Variants in TAOK3 observed in about 807,000 individuals in gnomAD.
TAOK3 encodes the protein serine/threonine-protein kinase TAO3.
A neutral mutation model predicts 120.4 loss-of-function variants in TAOK3; 40 were observed. That is an observed-to-expected ratio of 0.33 (90% CI 0.26 to 0.43). The LOEUF (loss-of-function observed/expected upper bound fraction) is 0.43, where lower values mean the gene tolerates loss of function less well. TAOK3 is among the 20% of genes least tolerant of loss of function. The probability of loss-of-function intolerance (pLI) is 1.00; values close to 1 mark genes in which losing one functional copy is unlikely to be tolerated. For missense variants in TAOK3, 821 were observed against 1,112.1 expected (o/e 0.74, Z 3.72); for synonymous variants, 355 against 387.5 (o/e 0.92, Z 0.99).
chr12:118,272,305 AAAAGAAAGAAAG>A lies in TAOK3; in HGVS notation c.-193-5558_-193-5547del, dbSNP rs201811768. Among the ~76,000 whole-genome samples, 6 of 148,744 alleles carry A rather than the reference AAAAGAAAGAAAG, an allele frequency of 4.0e-5. No homozygotes were observed. The South Asian group carries it at 1.0e-3, about 26-fold the overall frequency. ...AGACTCCATCTCAAAAAAAAAAAAA[AAAAGAAAGAAAG>A]AAAGAAAGAAAGAACACTTGATAGA... On this transcript the variant is annotated intron_variant, in intron 1 of 20. Transcript: ENST00000392533.
chr12:118,297,888 T>A (rs998494359), intron 1 of TAOK3, among the ~76,000 whole-genome samples: 6 of 152,142 alleles, frequency 3.9e-5, no homozygotes, highest in African/African-American at 1.4e-4. Context: ...CGGTATGTTA[T>A]GGGGGAAAAA....
At chr12:118,159,754 C>G (rs2035094562) in intron 19 of TAOK3, 25 of 268,980 alleles carry the variant, frequency 9.3e-5, no homozygotes, top group South Asian at 9.3e-4. Flanking sequence ...GTCTGTGTAT[C>G]TGTCTTCCTC....
At chr12:118,277,155 T>C (rs1283098061) in intron 1 of TAOK3, among the ~76,000 whole-genome samples, 2 of 152,222 alleles carry the variant, frequency 1.3e-5, no homozygotes, top group East Asian at 3.8e-4. Context: ...AAAACAAATA[T>C]GGCCCATTCT....
intron 17 of TAOK3, among the ~76,000 whole-genome samples, chr12:118,163,565 G>A (rs1440376424): frequency 6.7e-6 from 1 of 149,548 alleles, no homozygotes; most frequent in African/African-American, 2.5e-5. Context: ...ATAGGCATGA[G>A]CCACCCCACC....
At chr12:118,317,093 T>C (rs2043494852) in intron 1 of TAOK3, among the ~76,000 whole-genome samples, 1 of 151,878 alleles carries the variant, frequency 6.6e-6, no homozygotes, top group Non-Finnish European at 1.5e-5. Context: ...CGAAGCCCCG[T>C]CTCTATTAAA....
chr12:118,361,319 G>A (rs1192840864), intron 1 of TAOK3, among the ~76,000 whole-genome samples: 1 of 152,126 alleles, frequency 6.6e-6, no homozygotes, highest in Non-Finnish European at 1.5e-5. Context: ...GTGGTAGTAG[G>A]AATGGCTTTC....
chr12:118,307,950 G>C (rs1262273765), intron 1 of TAOK3, among the ~76,000 whole-genome samples: 1 of 151,382 alleles, frequency 6.6e-6, no homozygotes, highest in Non-Finnish European at 1.5e-5. Flanking sequence ...ATAAGCTGTT[G>C]GCAAGTTTGA....
At chr12:118,304,674 G>GTACATATAACA (rs2140754184) in intron 1 of TAOK3, among the ~76,000 whole-genome samples, 1 of 152,238 alleles carries the variant, frequency 6.6e-6, no homozygotes, top group African/African-American at 2.4e-5. Context: ...AATGTTATAT[G>GTACATATAACA]TGTACAACTT....
intron 1 of TAOK3, among the ~76,000 whole-genome samples, chr12:118,347,107 T>G (rs2044893334): frequency 6.6e-6 from 1 of 152,246 alleles, no homozygotes; most frequent in Non-Finnish European, 1.5e-5. Context: ...CGTGCTCAAG[T>G]GATCCTCCAC....
chr12:118,267,812 G>A (rs1053471526), intron 1 of TAOK3, among the ~76,000 whole-genome samples: 1 of 148,802 alleles, frequency 6.7e-6, no homozygotes, highest in Non-Finnish European at 1.5e-5. Flanking sequence ...TTGAACCCAG[G>A]AGGCAGATGT....
intron 1 of TAOK3, among the ~76,000 whole-genome samples, chr12:118,275,652 C>T (rs1000034913): frequency 2.6e-5 from 4 of 152,158 alleles, no homozygotes; most frequent in African/African-American, 9.7e-5. Flanking sequence ...ATGTATCATT[C>T]ATTTGGCAAA....
intron 16 of TAOK3, among the ~76,000 whole-genome samples, chr12:118,174,376 CTTT>C (rs766172789): frequency 3.0e-5 from 4 of 133,240 alleles, no homozygotes; most frequent in East Asian, 2.1e-4. Context: ...TGGCTTCTGG[CTTT>C]TTTTTTTTTT....
At chr12:118,352,519 C>A (rs921093848) in intron 1 of TAOK3, among the ~76,000 whole-genome samples, 3 of 150,790 alleles carry the variant, frequency 2.0e-5, no homozygotes, top group African/African-American at 7.4e-5. Context: ...AAAAAAAAAT[C>A]ATATATATAC....
intron 1 of TAOK3, among the ~76,000 whole-genome samples, chr12:118,370,619 G>T (rs1419544090): frequency 6.6e-6 from 1 of 152,198 alleles, no homozygotes; most frequent in Non-Finnish European, 1.5e-5. Context: ...TGAAAAGGAG[G>T]TTTTAAAAAT....
At chr12:118,321,797 C>T (rs954545922) in intron 1 of TAOK3, among the ~76,000 whole-genome samples, 1 of 152,026 alleles carries the variant, frequency 6.6e-6, no homozygotes, top group East Asian at 1.9e-4. Flanking sequence ...GACCTAATGT[C>T]ATCGCTATTT....
At chr12:118,221,304 A>G (rs1043600887) in intron 9 of TAOK3, among the ~76,000 whole-genome samples, 3 of 151,952 alleles carry the variant, frequency 2.0e-5, no homozygotes, top group Non-Finnish European at 4.4e-5. Flanking sequence ...GCTCACTGTA[A>G]CCTCCGCCTC....
At chr12:118,336,293 G>A (rs1307859810) in intron 1 of TAOK3, among the ~76,000 whole-genome samples, 2 of 152,130 alleles carry the variant, frequency 1.3e-5, no homozygotes, top group East Asian at 3.9e-4. Flanking sequence ...AGACATACAC[G>A]GATATGTCCA....
chr12:118,164,699 T>C (rs1299542443), intron 17 of TAOK3, among the ~76,000 whole-genome samples: 1 of 152,214 alleles, frequency 6.6e-6, no homozygotes, highest in Non-Finnish European at 1.5e-5. Flanking sequence ...ACTACAGGCG[T>C]GAGCCACCAT....
At position 118,238,286 on chromosome 12, in the gene TAOK3, C is replaced by G. The variant is rs1006670153; in HGVS notation, c.341-117G>C. The G allele has an allele frequency of 1.1e-5, 6 of 546,824 alleles. No individual in the cohort carries two copies. In the African/African-American group the frequency reaches 1.1e-4, roughly 10 times the overall value. 33.9% of individuals were successfully genotyped at this position (546,824 alleles called of 1,614,324 possible). A position where few individuals can be genotyped will look rare whatever the true frequency, so the allele number is the denominator to read the frequency against. ...TTTCTCACATGACAATTTGGGAACA[C>G]ATTCACCTAGATCTTCTATAGAAGA... On this transcript the variant is annotated intron_variant, in intron 6 of 20. Coordinates refer to ENST00000392533, the MANE Select transcript of TAOK3 (RefSeq NM_016281.4).
Sources: gnomAD v4.1 joint callset for allele counts (sites outside exome capture counted in the v4.1 genomes callset) on GRCh38, gnomAD v4.1.1 for gene constraint, MANE v1.5 for transcripts, NCBI Gene and HGNC (gene_info 2026-07-23, HGNC 2026-07-21) for gene names.